The following SLC35E4 variants were observed in gnomAD, a reference collection of about 807,000 sequenced individuals.
The protein encoded by SLC35E4 is solute carrier family 35 member E4, also known as solute carrier family 35, member E4.
A neutral mutation model predicts 19.3 loss-of-function variants in SLC35E4; 15 were observed. The ratio of observed to expected loss-of-function variants is 0.78; its 90% CI spans 0.52 to 1.20. The LOEUF (loss-of-function observed/expected upper bound fraction) is 1.20, where lower values mean the gene tolerates loss of function less well. SLC35E4 is among the 50% of genes most tolerant of loss of function. The probability of loss-of-function intolerance (pLI) is 0.00; values close to 1 mark genes in which losing one functional copy is unlikely to be tolerated. For synonymous variants in SLC35E4, 219 were observed against 219.9 expected (o/e 1.00, Z 0.04); for missense variants, 406 against 472.3 (o/e 0.86, Z 1.30).
At chr22:30,646,071 G>A (rs1163971155) in intron 1 of SLC35E4, among the ~76,000 whole-genome samples, 1 of 152,056 alleles carries the variant, frequency 6.6e-6, no homozygotes, top group African/African-American at 2.4e-5. Flanking sequence ...CCCTCCCAAA[G>A]TGCTGGGATT....
chr22:30,642,640 C>T (rs1026097413), intron 1 of SLC35E4, among the ~76,000 whole-genome samples: 7 of 149,908 alleles, frequency 4.7e-5, no homozygotes, highest in African/African-American at 1.5e-4. Flanking sequence ...ACTCGGGAGG[C>T]TGAGGTAGGA....
chr22:30,654,972 T>C (rs2088304515), intron 2 of SLC35E4, among the ~76,000 whole-genome samples: 1 of 152,180 alleles, frequency 6.6e-6, no homozygotes, highest in Non-Finnish European at 1.5e-5. Context: ...ATGAGGAAAC[T>C]GAAGCCCAAA....
chr22:30,657,732 A>G lies in SLC35E4; in HGVS notation c.*9-4328A>G, dbSNP rs574437818. Among the ~76,000 whole-genome samples the G allele has an allele frequency of 6.7e-4, 101 of 151,204 alleles. 2 individuals are homozygous for G. The East Asian group carries it at 0.017, about 25-fold the overall frequency. On this transcript the variant is annotated intron_variant, in intron 2 of 2. Coordinates refer to the SLC35E4 transcript ENST00000406566. ...ATCCTGGCTAACACGGTGAAACCCC[A>G]TCTCTACTAAAAGTACAAAAAATTA...
chr22:30,655,926 T>C (rs911523773), intron 2 of SLC35E4, among the ~76,000 whole-genome samples: 2 of 148,522 alleles, frequency 1.3e-5, no homozygotes, highest in African/African-American at 5.2e-5. Context: ...AAGTAATGGA[T>C]TCTTAGGACT....
intron 1 of SLC35E4, among the ~76,000 whole-genome samples, chr22:30,642,212 G>A (rs2088053770): frequency 6.6e-6 from 1 of 151,976 alleles, no homozygotes; most frequent in Admixed American, 6.6e-5. Flanking sequence ...GTTTCATCAT[G>A]TTGCCCAGGC....
At chr22:30,656,788 A>G (rs1470534596) in intron 2 of SLC35E4, among the ~76,000 whole-genome samples, 1 of 152,178 alleles carries the variant, frequency 6.6e-6, no homozygotes, top group African/African-American at 2.4e-5. Flanking sequence ...TGGTCTCATC[A>G]TGTCCAATTC....
chr22:30,651,427 ATTTTTT>A (rs1160256288), downstream of SLC35E4, among the ~76,000 whole-genome samples: 1 of 22,160 alleles, frequency 4.5e-5, no homozygotes, highest in African/African-American at 2.1e-4. Context: ...ATATATATAT[ATTTTTT>A]TTTTTTTTTT....
At chr22:30,644,267 A>G (rs889828617) in intron 1 of SLC35E4, among the ~76,000 whole-genome samples, 4 of 152,232 alleles carry the variant, frequency 2.6e-5, no homozygotes, top group Non-Finnish European at 4.4e-5. Flanking sequence ...AAATTGAGAG[A>G]GAAATAAAAT....
intron 1 of SLC35E4, among the ~76,000 whole-genome samples, chr22:30,645,567 C>A (rs1046323718): frequency 6.9e-6 from 1 of 145,684 alleles, no homozygotes; most frequent in African/African-American, 2.5e-5. Context: ...TGCATTCCAG[C>A]CTGGGCAACA....
At chr22:30,648,852 A>G (rs1271284702), downstream of SLC35E4, among the ~76,000 whole-genome samples, 4 of 152,106 alleles carry the variant, frequency 2.6e-5, no homozygotes, top group Non-Finnish European at 4.4e-5. Flanking sequence ...TCAAAAAAAA[A>G]AAGGGCTGAT....
At chr22:30,660,518 A>T (rs191749128) in intron 2 of SLC35E4, among the ~76,000 whole-genome samples, 127 of 152,298 alleles carry the variant, frequency 8.3e-4, no homozygotes, top group Middle Eastern at 6.8e-3. Context: ...ATTCACGGAC[A>T]ATGTCAAAAG....
At position 30,646,495 on chromosome 22, in the gene SLC35E4, G is replaced by A. The variant is rs571758701; in HGVS notation, c.620-103G>A. Reference sequence around the variant, plus strand: ...TCAGGAGCCACTAGCCCTGCCCGAGGGGTCCGGGTAGGCTTCTTGGAGGAT... The same window carrying A: ...TCAGGAGCCACTAGCCCTGCCCGAGAGGTCCGGGTAGGCTTCTTGGAGGAT... On this transcript the variant is annotated intron_variant, in intron 1 of 1. Coordinates refer to ENST00000343605, the MANE Select transcript of SLC35E4 (RefSeq NM_001001479.4). 390 of 1,342,582 alleles carry A rather than the reference G, an allele frequency of 2.9e-4. 2 individuals are homozygous for A. In the African/African-American group the frequency reaches 4.9e-3, roughly 17 times the overall value. The allele number at this position is 1,342,582 out of a possible 1,614,324, so 83.2% of individuals were successfully genotyped here. A position where few individuals can be genotyped will look rare whatever the true frequency, so the allele number is the denominator to read the frequency against.
In SLC35E4 at chr22:30,647,831, GC is replaced by G. The variant is rs1189150509; in HGVS notation, c.*802del. On this transcript the variant is annotated 3_prime_UTR_variant, in exon 2 of 2. Transcript: ENST00000343605. Reference sequence around the variant, plus strand: ...GTGCCAACTCCAGGCAGCTGCTGTGGCCTCACCCCTGGGCCCCCCAATTTTG... The same window carrying G: ...GTGCCAACTCCAGGCAGCTGCTGTGGCTCACCCCTGGGCCCCCCAATTTTG... The G allele has an allele frequency of 6.6e-6, 1 of 152,326 alleles. No individual in the cohort carries two copies. The highest frequency in any genetic ancestry group is 1.5e-5 in the Non-Finnish European group (1 of 68,160). The allele number at this position is 152,326 out of a possible 1,614,324, so 9.4% of individuals were successfully genotyped here.
exon 3 of SLC35E4, chr22:30,668,681 T>A (rs866682715): frequency 1.3e-5 from 2 of 152,040 alleles, no homozygotes; most frequent in African/African-American, 2.4e-5. Context: ...CATCCCACAC[T>A]CCCCTTCTCA....
In SLC35E4 at chr22:30,635,910, G is replaced by A. The variant is rs1193534983; in HGVS notation, c.-541G>A. On this transcript the variant is annotated 5_prime_UTR_variant, in exon 1 of 2. Transcript: ENST00000343605. ...CTAGCTCGCCGCCAGGCACCGGCCG[G>A]AGGACGGGCCGTGGTGTCAGCTCAC... 1 of 152,380 alleles carries A rather than the reference G, an allele frequency of 6.6e-6. No homozygotes were observed. The highest frequency in any genetic ancestry group is 1.5e-5 in the Non-Finnish European group (1 of 68,150). 9.4% of individuals were successfully genotyped at this position (152,380 alleles called of 1,614,324 possible).
rs141297455 is a variant in SLC35E4 at position 30,646,834 on chromosome 22, G to A, written c.856G>A (p.Val286Ile). ...CCTCACCTCTGCCCTCACCGTCCAC[G>A]TCCTGGGCAACCTCACCGTGGTGGG... ...LALTSALTVHVLGNLTVVGNL... is the reference protein window; with the variant it reads ...LALTSALTVHILGNLTVVGNL... The change falls in exon 2 of 2, where the codon GTC becomes ATC. Residue 286 changes from valine (V) to isoleucine (I), a missense_variant. Physicochemically the swap from Val to Ile is conservative, Grantham distance 29 (BLOSUM62 3). Coordinates refer to ENST00000343605, the MANE Select transcript of SLC35E4 (RefSeq NM_001001479.4). The A allele has an allele frequency of 1.2e-4, 197 of 1,614,204 alleles. No homozygotes were observed. Among genetic ancestry groups the A allele is most frequent in the South Asian group, 5.1e-4 (46 of 91,082 alleles).
In SLC35E4 at chr22:30,654,267, A is replaced by G. The variant is rs2088289346; in HGVS notation, c.*8+5014A>G. The G allele has an allele frequency of 9.3e-6, 4 of 428,928 alleles. No individual in the cohort carries two copies. In the Admixed American group the frequency reaches 1.0e-4, roughly 11 times the overall value. 26.6% of individuals were successfully genotyped at this position (428,928 alleles called of 1,614,324 possible). A position where few individuals can be genotyped will look rare whatever the true frequency, so the allele number is the denominator to read the frequency against. On this transcript the variant is annotated intron_variant, in intron 2 of 2. Coordinates refer to the SLC35E4 transcript ENST00000406566. ...CCAAAGTGCTAGGATTACAGGCGTG[A>G]GCCACCGCGCCCGGCCATCCCATGA...
intron 1 of SLC35E4, 88 bp downstream of exon 1, chr22:30,637,157 C>G: frequency 6.7e-7 from 1 of 1,486,384 alleles, no homozygotes; most frequent in East Asian, 2.3e-5. Context: ...GCTGTTGTCC[C>G]ATTTTACAAA....
At chr22:30,666,391 C>T (rs550644257), downstream of SLC35E4, among the ~76,000 whole-genome samples, 6 of 152,118 alleles carry the variant, frequency 3.9e-5, no homozygotes, top group South Asian at 6.2e-4. Context: ...AAGGCCGAGG[C>T]GGGCAGATCA....
Sources: gnomAD v4.1 joint callset for allele counts (sites outside exome capture counted in the v4.1 genomes callset) on GRCh38, gnomAD v4.1.1 for gene constraint, MANE v1.5 for transcripts, NCBI Gene and HGNC (gene_info 2026-07-23, HGNC 2026-07-21) for gene names.